JAKMIP3: variants seen among roughly 807,000 people sequenced by gnomAD.
The protein encoded by JAKMIP3 is Janus kinase and microtubule interacting protein 3.
JAKMIP3 carries 58 observed loss-of-function variants against 118.5 expected under a neutral mutation model. That is an observed-to-expected ratio of 0.49 (90% CI 0.40 to 0.61). The LOEUF (loss-of-function observed/expected upper bound fraction) is 0.61, where lower values mean the gene tolerates loss of function less well. JAKMIP3 is among the 20% of genes least tolerant of loss of function. The pLI, the probability that JAKMIP3 is intolerant of heterozygous loss-of-function variation, is 0.00. For synonymous variants in JAKMIP3, 486 were observed against 451.2 expected (o/e 1.08, Z -0.98); for missense variants, 950 against 1,109.0 (o/e 0.86, Z 2.04).
intron 1 of JAKMIP3, among the ~76,000 whole-genome samples, chr10:132,074,532 G>T (rs563592538): frequency 1.3e-4 from 20 of 152,130 alleles, no homozygotes; most frequent in Admixed American, 2.6e-4. Context: ...TTTTTAATGG[G>T]TTTTTTTCTG....
At chr10:132,037,913 G>C (rs573950205) in intron 1 of JAKMIP3, among the ~76,000 whole-genome samples, 6 of 152,358 alleles carry the variant, frequency 3.9e-5, no homozygotes, top group African/African-American at 1.2e-4. Context: ...AATTGGCCCC[G>C]AGTCGGTTGC....
intron 19 of JAKMIP3, among the ~76,000 whole-genome samples, chr10:132,162,058 C>T (rs1319662390): frequency 3.2e-5 from 4 of 123,996 alleles, no homozygotes; most frequent in African/African-American, 1.0e-4. Context: ...GGCTCTCGGT[C>T]GCTCGGGTGC....
At chr10:132,159,664 C>T (rs2057715120) in intron 19 of JAKMIP3, among the ~76,000 whole-genome samples, 1 of 91,662 alleles carries the variant, frequency 1.1e-5, no homozygotes, top group Non-Finnish European at 2.1e-5. Context: ...CTGTGTGATG[C>T]TGGGGGGTCC....
At chr10:132,058,872 C>T (rs80097235) in intron 1 of JAKMIP3, among the ~76,000 whole-genome samples, 1,842 of 152,330 alleles carry the variant, frequency 0.012, 31 homozygotes, top group African/African-American at 0.042. Context: ...AAGTTGGCAC[C>T]GTCTGTGCTT....
intron 1 of JAKMIP3, among the ~76,000 whole-genome samples, chr10:132,073,549 T>C (rs1361296456): frequency 6.6e-6 from 1 of 150,380 alleles, no homozygotes; most frequent in Non-Finnish European, 1.5e-5. Flanking sequence ...CAGGCAGAAG[T>C]GCAGTGATGC....
At chr10:132,065,000 A>G (rs1161916402), upstream of JAKMIP3, among the ~76,000 whole-genome samples, 1 of 152,056 alleles carries the variant, frequency 6.6e-6, no homozygotes, top group Non-Finnish European at 1.5e-5. This position sits in a 1 kb window ranked among gnomAD's most constrained non-coding sequence, Gnocchi z 4.4. Flanking sequence ...GGGGGGATGT[A>G]GGGTCCTCCC....
intron 1 of JAKMIP3, among the ~76,000 whole-genome samples, chr10:132,097,906 C>CCCTTCCCCTTCCCCTTT (rs1392728562): frequency 2.8e-5 from 2 of 71,094 alleles, no homozygotes; most frequent in South Asian, 7.9e-4. Flanking sequence ...CTTCCCCTTC[C>CCCTTCCCCTTCCCCTTT]CCTTCCCCTT....
intron 1 of JAKMIP3, among the ~76,000 whole-genome samples, chr10:132,103,284 GGTCCTT>G (rs1341243865): frequency 6.6e-6 from 1 of 151,550 alleles, no homozygotes; most frequent in African/African-American, 2.4e-5. Context: ...GAGCACCGGG[GGTCCTT>G]GACCCTCTGG....
At position 132,140,435 on chromosome 10, in the gene JAKMIP3, G is replaced by C; in HGVS notation, c.1345-16G>C. On this transcript the variant is annotated splice_polypyrimidine_tract_variant and intron_variant, in intron 9 of 23. Transcript: ENST00000684848. ...TGGGTCTGGTTTGAACTGACACGTCGCATTTTGGTCACAAGCCGGTGGTTG... is the reference window on the plus strand; with the variant it reads ...TGGGTCTGGTTTGAACTGACACGTCCCATTTTGGTCACAAGCCGGTGGTTG... The C allele has an allele frequency of 1.2e-6, 2 of 1,613,340 alleles. No individual in the cohort carries two copies. Among genetic ancestry groups the C allele is most frequent in the South Asian group, 2.2e-5 (2 of 91,074 alleles).
intron 1 of JAKMIP3, among the ~76,000 whole-genome samples, chr10:132,080,816 G>A (rs1448329090): frequency 2.0e-5 from 3 of 151,910 alleles, no homozygotes; most frequent in Non-Finnish European, 2.9e-5. Context: ...CACCATGCCC[G>A]GCCAAGTTAT....
chr10:132,122,253 G>GC (rs1179404906), intron 3 of JAKMIP3, among the ~76,000 whole-genome samples: 5 of 151,354 alleles, frequency 3.3e-5, no homozygotes, highest in South Asian at 2.1e-4. Context: ...GGCCCTGACT[G>GC]CCCCCCGGTC....
chr10:132,069,056 G>A (rs2039400459), intron 1 of JAKMIP3, among the ~76,000 whole-genome samples: 1 of 152,156 alleles, frequency 6.6e-6, no homozygotes, highest in African/African-American at 2.4e-5. Flanking sequence ...AGCTGGACTG[G>A]TCCAATGTGT....
At chr10:132,156,982 T>C (rs547328452) in intron 19 of JAKMIP3, among the ~76,000 whole-genome samples, 3 of 152,150 alleles carry the variant, frequency 2.0e-5, no homozygotes, top group African/African-American at 4.8e-5. Flanking sequence ...AGAAAGACTG[T>C]GGGCATTCTG....
chr10:132,067,298 C>T (rs1021439317), intron 1 of JAKMIP3, among the ~76,000 whole-genome samples: 1 of 152,048 alleles, frequency 6.6e-6, no homozygotes, highest in Non-Finnish European at 1.5e-5. Flanking sequence ...CATTGGCATT[C>T]CTGCTATTCC....
chr10:132,155,957 G>T (rs1239812580), intron 19 of JAKMIP3, among the ~76,000 whole-genome samples: 1 of 152,152 alleles, frequency 6.6e-6, no homozygotes, highest in African/African-American at 2.4e-5. Context: ...GCGGCTCCCA[G>T]GCACAGGCTG....
At chr10:132,111,451 G>T (rs2046862344) in intron 2 of JAKMIP3, among the ~76,000 whole-genome samples, 1 of 152,174 alleles carries the variant, frequency 6.6e-6, no homozygotes, top group Non-Finnish European at 1.5e-5. Context: ...GTGACCTCGA[G>T]CGCCGGGAAG....
Position 132,112,811 on chromosome 10 carries a change from C to T in JAKMIP3, c.136-4266C>T, listed in dbSNP as rs1262462656. 5.3e-5 allele frequency among the ~76,000 whole-genome samples: 8 copies of T among 152,208 alleles called. No individual in the cohort carries two copies. Among genetic ancestry groups the T allele is most frequent in the Admixed American group, 5.2e-4 (8 of 15,284 alleles). ...CGGCTCACATGGTGGACGCATCTGA[C>T]TCTCCAGCCGCCGCTTCTTGGTCAG... On this transcript the variant is annotated intron_variant, in intron 2 of 23. Transcript: ENST00000684848. This position sits in a 1 kb window ranked among gnomAD's most constrained non-coding sequence, Gnocchi z 4.3.
At chr10:132,106,381 C>T (rs1483967305) in intron 2 of JAKMIP3, among the ~76,000 whole-genome samples, 1 of 151,718 alleles carries the variant, frequency 6.6e-6, no homozygotes, top group Non-Finnish European at 1.5e-5. Context: ...CACAGCTGCA[C>T]CTGCTCATTT....
At chr10:132,145,261 C>G in intron 12 of JAKMIP3, 71 bp downstream of exon 12, 1 of 1,267,772 alleles carries the variant, frequency 7.9e-7, no homozygotes, top group Non-Finnish European at 1.1e-6. Flanking sequence ...TACCTAAAGA[C>G]AAGCTTCAGT....
Sources: allele counts gnomAD v4.1 joint callset (sites outside exome capture counted in the v4.1 genomes callset), GRCh38; gene constraint gnomAD v4.1.1; non-coding constraint Gnocchi (gnomAD v3.1); transcripts MANE v1.5; gene names NCBI Gene and HGNC (gene_info 2026-07-23, HGNC 2026-07-21).